The following CNGB1 variants were observed in gnomAD, a reference collection of about 807,000 sequenced individuals.
The protein encoded by CNGB1 is cyclic nucleotide-gated channel beta-1.
CNGB1 carries 126 observed loss-of-function variants against 151.7 expected under a neutral mutation model. That is an observed-to-expected ratio of 0.83 (90% CI 0.72 to 0.96). The LOEUF is 0.96. Ranked by LOEUF, CNGB1 falls within the 40% of genes least tolerant of loss-of-function variation. The probability of loss-of-function intolerance (pLI) is 0.00; values close to 1 mark genes in which losing one functional copy is unlikely to be tolerated. For missense variants in CNGB1, 1,698 were observed against 1,627.0 expected, an observed-to-expected ratio of 1.04 and a Z score of -0.75; for synonymous variants, 623 against 635.1, an observed-to-expected ratio of 0.98 and a Z score of 0.29.
chr16:57,945,129 G>T (rs902714086), intron 14 of CNGB1, among the ~76,000 whole-genome samples: 1 of 151,970 alleles, frequency 6.6e-6, no homozygotes. Flanking sequence ...CGGTCATACC[G>T]CCTGTGCAAG....
At chr16:57,963,148 C>G in intron 4 of CNGB1, 84 bp from the exon 5 acceptor site, 1 of 1,014,526 alleles carries the variant, frequency 9.9e-7, no homozygotes. Flanking sequence ...AGGTGAGTCT[C>G]TGTCCCTGAG....
At chr16:57,895,825 T>C (rs1225348176) in intron 31 of CNGB1, among the ~76,000 whole-genome samples, 1 of 152,136 alleles carries the variant, frequency 6.6e-6, no homozygotes, top group African/African-American at 2.4e-5. Flanking sequence ...TGCTAAAATA[T>C]GACAGGGATA....
intron 6 of CNGB1, 35 bp from the exon 7 acceptor site, chr16:57,962,645 A>C: frequency 6.2e-7 from 1 of 1,611,092 alleles, no homozygotes; most frequent in Non-Finnish European, 8.5e-7. Flanking sequence ...GGCAGTCAGC[A>C]GCGGGAGACC....
At position 57,916,127 on chromosome 16, in the gene CNGB1, A is replaced by G. The variant is rs1960862003; in HGVS notation, c.2217+2T>C. On this transcript the variant is annotated splice_donor_variant, in intron 22 of 32. Coordinates refer to ENST00000251102, the MANE Select transcript of CNGB1 (RefSeq NM_001297.5). LOFTEE classifies it high-confidence loss of function. ...GCTAAACCTTGCATGCCCGGCACAC[A>G]CCTTGAAGCGGCGAGACTTCAGGTA... is the stretch of plus-strand genomic sequence containing the variant. 1 of 1,613,920 alleles carries G rather than the reference A, an allele frequency of 6.2e-7. No individual in the cohort carries two copies. The highest frequency in any genetic ancestry group is 1.3e-5 in the African/African-American group (1 of 74,996).
intron 12 of CNGB1, among the ~76,000 whole-genome samples, chr16:57,951,675 C>T (rs1038690277): frequency 2.8e-4 from 42 of 152,304 alleles, no homozygotes; most frequent in African/African-American, 1.0e-3. Flanking sequence ...GAATGGCTTA[C>T]GTGGAATAAC....
chr16:57,966,572 A>G (rs1962403655), intron 2 of CNGB1, among the ~76,000 whole-genome samples: 1 of 152,246 alleles, frequency 6.6e-6, no homozygotes, highest in Non-Finnish European at 1.5e-5. Flanking sequence ...CTTCATTGAG[A>G]AAGTCTTGGT....
chr16:57,902,306 T>A (rs1960413606), intron 27 of CNGB1, among the ~76,000 whole-genome samples: 1 of 151,854 alleles, frequency 6.6e-6, no homozygotes, highest in Non-Finnish European at 1.5e-5. Flanking sequence ...CCTGACCTCA[T>A]TTGATCCACC....
intron 16 of CNGB1, 98 bp from the exon 17 acceptor site, chr16:57,931,976 T>C (rs1366532353): frequency 1.5e-6 from 2 of 1,323,590 alleles, no homozygotes; most frequent in African/African-American, 2.9e-5. Context: ...AAAGCATGTT[T>C]GGAGGGGACT....
intron 22 of CNGB1, 26 bp from the exon 23 acceptor site, chr16:57,915,361 G>C: frequency 6.4e-7 from 1 of 1,570,186 alleles, no homozygotes; most frequent in Non-Finnish European, 8.8e-7. Flanking sequence ...GACACCATGG[G>C]GGTAAAACGG....
Position 57,960,020 on chromosome 16 carries a change from C to A in CNGB1, c.629G>T (p.Arg210Leu). ...PQEMGPKLQA[R>L]ETPSLPTPIP... ...GGGTGTGGGCAGGGAGGGGGTCTCC[C>A]GGGCCTGCAGCTTGGGCCCCATTTC... The change falls in exon 10 of 33, where the codon CGG becomes CTG. Residue 210 changes from arginine (R) to leucine (L), a missense_variant. Transcript: ENST00000251102. 1.3e-6 allele frequency: 2 copies of A among 1,574,168 alleles called. No homozygotes were observed. The highest frequency in any genetic ancestry group is 2.3e-5 in the East Asian group (1 of 43,428).
At chr16:57,959,629 A>G (rs1317889520) in intron 10 of CNGB1, among the ~76,000 whole-genome samples, 2 of 148,990 alleles carry the variant, frequency 1.3e-5, no homozygotes, top group African/African-American at 5.0e-5. Flanking sequence ...AACAAACAAA[A>G]AAGCAAAGTG....
At chr16:57,908,514 T>G (rs1960618957) in intron 25 of CNGB1, among the ~76,000 whole-genome samples, 1 of 152,244 alleles carries the variant, frequency 6.6e-6, no homozygotes, top group Non-Finnish European at 1.5e-5. Context: ...TATGGCTGAC[T>G]GAGCGCCCAC....
chr16:57,931,662 A>C, intron 17 of CNGB1, 54 bp downstream of exon 17: 1 of 1,598,040 alleles, frequency 6.3e-7, no homozygotes, highest in Non-Finnish European at 8.6e-7. Flanking sequence ...TCATCTGCCA[A>C]ATAAACAGGT....
intron 11 of CNGB1, among the ~76,000 whole-genome samples, chr16:57,957,809 C>G (rs1962128938): frequency 6.6e-6 from 1 of 152,220 alleles, no homozygotes; most frequent in South Asian, 2.1e-4. Context: ...CATTGGTCAG[C>G]TGGGACAACT....
chr16:57,949,324 G>A lies in CNGB1; in HGVS notation c.1121+29C>T, dbSNP rs77041062. On this transcript the variant is annotated intron_variant, in intron 14 of 32. Coordinates refer to ENST00000251102, the MANE Select transcript of CNGB1 (RefSeq NM_001297.5). ...CTCAGCCAACCCCAGCCCCAGGGCC[G>A]TTCCCAGACAGGTGAGCAAATGACT... is the stretch of plus-strand genomic sequence containing the variant. 621 of 1,605,128 alleles carry A rather than the reference G, an allele frequency of 3.9e-4. 4 individuals are homozygous for A. The highest frequency in any genetic ancestry group is 2.0e-3 in the East Asian group (91 of 44,874).
intron 25 of CNGB1, among the ~76,000 whole-genome samples, chr16:57,909,531 G>C (rs572268510): frequency 7.9e-5 from 12 of 152,250 alleles, no homozygotes; most frequent in African/African-American, 2.6e-4. Context: ...TGGGATTACA[G>C]GCGTGCATCA....
intron 15 of CNGB1, among the ~76,000 whole-genome samples, 171 bp from the exon 16 acceptor site, chr16:57,939,763 C>T (rs1258293937): frequency 6.6e-6 from 1 of 152,208 alleles, no homozygotes; most frequent in Non-Finnish European, 1.5e-5. Flanking sequence ...TGGGAGTAGC[C>T]TACAACCTGT....
chr16:57,964,160 G>T lies in CNGB1; in HGVS notation c.260C>A (p.Ala87Asp). The change falls in exon 4 of 33, where the codon GCC becomes GAC. Residue 87 changes from alanine (A) to aspartate (D), a missense_variant. Ala to Asp is a moderately radical substitution (Grantham distance 126, BLOSUM62 -2). Coordinates refer to ENST00000251102, the MANE Select transcript of CNGB1 (RefSeq NM_001297.5). ...AALTSTISLR[A>D]QGAEISEMNS... ...CATTTCAGAAATCTCAGCGCCCTGG[G>T]CCCGGAGGGATATGGTGGAAGTAAG... is the stretch of plus-strand genomic sequence containing the variant. The T allele has an allele frequency of 6.2e-7, 1 of 1,614,176 alleles. No individual in the cohort carries two copies. The highest frequency in any genetic ancestry group is 8.5e-7 in the Non-Finnish European group (1 of 1,180,022).
Position 57,901,508 on chromosome 16 carries a change from G to T in CNGB1, c.2892+20C>A. On this transcript the variant is annotated intron_variant, in intron 28 of 32. Coordinates refer to ENST00000251102, the MANE Select transcript of CNGB1 (RefSeq NM_001297.5). ...TGGAGCCTCCCACAGCCCTGAGCGT[G>T]AGGGCACCAAAAGGTGTACCTGAAA... is the stretch of plus-strand genomic sequence containing the variant. The T allele has an allele frequency of 6.2e-7, 1 of 1,613,016 alleles. No homozygotes were observed. The highest frequency in any genetic ancestry group is 8.5e-7 in the Non-Finnish European group (1 of 1,178,950).
Sources: gnomAD v4.1 joint callset for allele counts (sites outside exome capture counted in the v4.1 genomes callset) on GRCh38, gnomAD v4.1.1 for gene constraint, MANE v1.5 for transcripts, NCBI Gene and HGNC (gene_info 2026-07-23, HGNC 2026-07-21) for gene names.